The following ZNF423 variants were observed in gnomAD, a reference collection of about 807,000 sequenced individuals.
ZNF423 encodes zinc finger protein 423, also known as Ebf-associated zinc finger protein.
ZNF423 carries 12 observed loss-of-function variants against 95.8 expected under a neutral mutation model. That is an observed-to-expected ratio of 0.13 (90% CI 0.08 to 0.20). ZNF423 has a LOEUF of 0.20. Among genes scored for constraint, ZNF423 ranks in the 10% least tolerant of loss-of-function variants. The pLI is 1.00. For missense variants in ZNF423, 1,316 were observed against 1,737.1 expected, an observed-to-expected ratio of 0.76 and a Z score of 4.31; for synonymous variants, 749 against 711.9, an observed-to-expected ratio of 1.05 and a Z score of -0.83.
chr16:49,596,078 G>A (rs1302973168), intron 5 of ZNF423, among the ~76,000 whole-genome samples: 1 of 152,304 alleles, frequency 6.6e-6, no homozygotes, highest in East Asian at 1.9e-4. Flanking sequence ...AAACCTGGCA[G>A]GGGTGCAGTA....
intron 4 of ZNF423, among the ~76,000 whole-genome samples, chr16:49,629,236 G>A (rs952159566): frequency 6.6e-6 from 1 of 151,958 alleles, no homozygotes; most frequent in Non-Finnish European, 1.5e-5. Flanking sequence ...TATAGTCCAG[G>A]CCCTGTAGAT....
chr16:49,755,582 G>C (rs2033712093), intron 2 of ZNF423, among the ~76,000 whole-genome samples: 1 of 152,156 alleles, frequency 6.6e-6, no homozygotes. Context: ...GAGTTGAGTT[G>C]GAGAGAAATT....
intron 4 of ZNF423, among the ~76,000 whole-genome samples, chr16:49,629,660 C>G (rs955146914): frequency 2.0e-5 from 3 of 152,218 alleles, no homozygotes; most frequent in African/African-American, 4.8e-5. Flanking sequence ...ATCTGCTCCC[C>G]TCTTGCACCA....
At chr16:49,641,217 C>T (rs144896615) in intron 3 of ZNF423, among the ~76,000 whole-genome samples, 18 of 152,330 alleles carry the variant, frequency 1.2e-4, no homozygotes, top group Non-Finnish European at 2.4e-4. Context: ...ATGACAGTGC[C>T]AGAGACTGAT....
At chr16:49,495,767 C>G (rs919752487) in intron 7 of ZNF423, among the ~76,000 whole-genome samples, 2 of 152,172 alleles carry the variant, frequency 1.3e-5, no homozygotes, top group Admixed American at 6.5e-5. Flanking sequence ...CAGGAGGGGG[C>G]CCTGGCTCAG....
chr16:49,679,657 C>A (rs1197602171), intron 3 of ZNF423, among the ~76,000 whole-genome samples: 1 of 152,206 alleles, frequency 6.6e-6, no homozygotes, highest in Non-Finnish European at 1.5e-5. Flanking sequence ...CCTGCAGGTG[C>A]CCCTCGGCAC....
chr16:49,792,298 A>G (rs2034429346), intron 1 of ZNF423, among the ~76,000 whole-genome samples: 1 of 152,162 alleles, frequency 6.6e-6, no homozygotes, highest in Admixed American at 6.5e-5. Flanking sequence ...TGCCCCAAAG[A>G]TGTCAAGTCA....
At chr16:49,502,790 GACACACAC>G (rs72202996) in intron 7 of ZNF423, among the ~76,000 whole-genome samples, 13 of 135,348 alleles carry the variant, frequency 9.6e-5, no homozygotes, top group East Asian at 6.5e-4. Context: ...AAATACTCTA[GACACACAC>G]ACACACACAC....
intron 2 of ZNF423, among the ~76,000 whole-genome samples, chr16:49,779,158 G>T (rs756357999): frequency 6.6e-6 from 1 of 151,636 alleles, no homozygotes; most frequent in East Asian, 1.9e-4. Context: ...TGCCAAGCCA[G>T]GGCTGGGCTG....
At chr16:49,856,357 A>T (rs953127816), upstream of ZNF423, among the ~76,000 whole-genome samples, 1 of 145,634 alleles carries the variant, frequency 6.9e-6, no homozygotes, top group Non-Finnish European at 1.5e-5. Flanking sequence ...ACGGGGCTGG[A>T]GTCGAGGGTA....
At chr16:49,651,710 T>C (rs900221548) in intron 3 of ZNF423, among the ~76,000 whole-genome samples, 1 of 152,230 alleles carries the variant, frequency 6.6e-6, no homozygotes, top group African/African-American at 2.4e-5. Flanking sequence ...TGAATATCTG[T>C]AAGGCGTTAT....
intron 3 of ZNF423, among the ~76,000 whole-genome samples, chr16:49,699,198 G>A (rs1460142310): frequency 6.6e-6 from 1 of 152,314 alleles, no homozygotes; most frequent in African/African-American, 2.4e-5. Context: ...CGGCACTGAC[G>A]TCAGGGGGTA....
intron 5 of ZNF423, among the ~76,000 whole-genome samples, chr16:49,612,578 T>C (rs1015084861): frequency 6.6e-6 from 1 of 152,134 alleles, no homozygotes; most frequent in Non-Finnish European, 1.5e-5. Flanking sequence ...TTTTACTTAA[T>C]CGTAGAAGAC....
chr16:49,638,621 G>C lies in ZNF423; in HGVS notation c.555C>G (p.His185Gln), dbSNP rs1972852607. Residue 185 changes from histidine (H) to glutamine (Q), a missense_variant, in exon 4 of 8, where the codon CAC becomes CAG. His to Gln is a conservative substitution (Grantham distance 24). Around this residue, in one of 6 missense-constraint regions of ZNF423, gnomAD observed 58 missense variants for 116.9 expected, o/e 0.50. Transcript: ENST00000563137. This position sits in a 1 kb window ranked among gnomAD's most constrained non-coding sequence, Gnocchi z 5.6. ...KCTYCSRLFK[H>Q]KRSRDRHIKL... ...TGATGTGCCGGTCACGGCTCCTCTT[G>C]TGCTTGAAGAGGCGGCTGCAGTAGG... is the stretch of plus-strand genomic sequence containing the variant. The C allele has an allele frequency of 6.2e-7, 1 of 1,613,946 alleles. No homozygotes were observed.
intron 2 of ZNF423, among the ~76,000 whole-genome samples, chr16:49,747,210 C>T (rs540765224): frequency 2.0e-5 from 3 of 152,048 alleles, no homozygotes; most frequent in African/African-American, 4.8e-5. Flanking sequence ...AACAGCAGAT[C>T]GATAGATAGA....
chr16:49,520,970 T>C (rs1968373146), intron 7 of ZNF423, among the ~76,000 whole-genome samples: 1 of 152,210 alleles, frequency 6.6e-6, no homozygotes, highest in Admixed American at 6.5e-5. Flanking sequence ...TTTAGCGGTT[T>C]CTCAGTATTT....
chr16:49,736,715 A>C (rs1167081233), intron 2 of ZNF423, among the ~76,000 whole-genome samples: 1 of 152,218 alleles, frequency 6.6e-6, no homozygotes. Context: ...GGATCGTTTC[A>C]GCCCAGGAGT....
At chr16:49,849,559 C>T (rs767696625) in intron 1 of ZNF423, among the ~76,000 whole-genome samples, 8 of 152,154 alleles carry the variant, frequency 5.3e-5, no homozygotes, top group Non-Finnish European at 5.9e-5. Context: ...TTGAAGAATT[C>T]GGAGATAATG....
Position 49,517,202 on chromosome 16 carries a change from G to A in ZNF423, c.3849+6422C>T, listed in dbSNP as rs892795954. ...AACCCAACATTGCTTCCTGCTCTTA[G>A]CATCCAAAATCCACTCATGTCCCTA... is the stretch of plus-strand genomic sequence containing the variant. On this transcript the variant is annotated intron_variant, in intron 7 of 7. Transcript: ENST00000563137. 3.3e-5 allele frequency among the ~76,000 whole-genome samples: 5 copies of A among 152,304 alleles called. No homozygotes were observed. The East Asian group carries it at 9.6e-4, about 29-fold the overall frequency.
Sources: gnomAD v4.1 joint callset for allele counts (sites outside exome capture counted in the v4.1 genomes callset) on GRCh38, gnomAD v4.1.1 for gene constraint, gnomAD v4.1.1 regional missense constraint, Gnocchi (gnomAD v3.1) non-coding constraint, MANE v1.5 for transcripts, NCBI Gene and HGNC (gene_info 2026-07-23, HGNC 2026-07-21) for gene names.